Variants in DGKD observed in about 807,000 individuals in gnomAD.
DGKD encodes the protein diacylglycerol kinase delta, also known as DAG kinase delta.
DGKD carries 68 observed loss-of-function variants against 154.4 expected under a neutral mutation model. That is an observed-to-expected ratio of 0.44 (90% CI 0.36 to 0.54). The LOEUF is 0.54. DGKD is among the 20% of genes least tolerant of loss of function. DGKD has a pLI of 0.00. For missense variants in DGKD, 1,343 were observed against 1,593.6 expected (o/e 0.84, Z 2.68); for synonymous variants, 693 against 638.0 (o/e 1.09, Z -1.30).
At chr2:233,461,103 G>C (rs1403433672) in intron 24 of DGKD, among the ~76,000 whole-genome samples, 1 of 151,666 alleles carries the variant, frequency 6.6e-6, no homozygotes, top group Non-Finnish European at 1.5e-5. Flanking sequence ...TGTGTCCCTC[G>C]TGGCTGGTGG....
At position 233,457,742 on chromosome 2, in the gene DGKD, A is replaced by G. The variant is rs2124916446; in HGVS notation, c.2580+414A>G. ...ACAGGGCAGGCACATGGAGGATGGG[A>G]GAGAGGTGCCCCGACTGCAGTGGGC... On this transcript the variant is annotated intron_variant, in intron 21 of 29. Transcript: ENST00000264057. The surrounding 1 kb of genome is among the most constrained non-coding windows in gnomAD (Gnocchi z 5.5). 2.7e-6 allele frequency: 1 copy of G among 375,618 alleles called. No individual in the cohort carries two copies. Among genetic ancestry groups the G allele is most frequent in the East Asian group, 7.2e-5 (1 of 13,978 alleles). 23.3% of individuals were successfully genotyped at this position (375,618 alleles called of 1,614,324 possible).
chr2:233,449,952 T>G lies in DGKD; in HGVS notation c.1889-30T>G. On this transcript the variant is annotated intron_variant, in intron 15 of 29. Coordinates refer to ENST00000264057, the MANE Select transcript of DGKD (RefSeq NM_152879.3). This position sits in a 1 kb window ranked among gnomAD's most constrained non-coding sequence, Gnocchi z 5.3. ...CAGCGCCCTTGGCTTTGCACCCGCG[T>G]GCTCAGCCGCACACACTCTCCTTGC... The G allele has an allele frequency of 6.4e-7, 1 of 1,550,434 alleles. No homozygotes were observed. Among genetic ancestry groups the G allele is most frequent in the Non-Finnish European group, 8.7e-7 (1 of 1,145,394 alleles).
At chr2:233,364,961 G>T (rs1701952974) in intron 1 of DGKD, among the ~76,000 whole-genome samples, 1 of 152,144 alleles carries the variant, frequency 6.6e-6, no homozygotes, top group Non-Finnish European at 1.5e-5. Context: ...AAGAAACTTG[G>T]TGTAGCTATT....
chr2:233,392,874 C>G lies in DGKD; in HGVS notation c.348+2391C>G, dbSNP rs537410119. Among the ~76,000 whole-genome samples the G allele has an allele frequency of 9.8e-5, 15 of 152,310 alleles. No individual in the cohort carries two copies. The South Asian group carries it at 2.7e-3, about 27-fold the overall frequency. On this transcript the variant is annotated intron_variant, in intron 3 of 29. Transcript: ENST00000264057. ...TGTTGTGTAGTTTAAACACCTGTGT[C>G]TCTGGTTGAATCTCCTTTGCATTTC...
chr2:233,420,770 G>A (rs2062088048), intron 3 of DGKD, among the ~76,000 whole-genome samples: 1 of 152,220 alleles, frequency 6.6e-6, no homozygotes, highest in Non-Finnish European at 1.5e-5. Flanking sequence ...CCTGACAGGC[G>A]CGGCCTGAGT....
chr2:233,363,939 T>G (rs1701905634), intron 1 of DGKD, among the ~76,000 whole-genome samples: 2 of 152,184 alleles, frequency 1.3e-5, no homozygotes, highest in African/African-American at 4.8e-5. Flanking sequence ...CATAACACAT[T>G]TCTCAGAATA....
chr2:233,385,809 A>C (rs1195579907), intron 1 of DGKD: 1 of 375,888 alleles, frequency 2.7e-6, no homozygotes, highest in Admixed American at 3.4e-5. Flanking sequence ...GCAGCGAATC[A>C]GGAGAAGAAA....
intron 3 of DGKD, among the ~76,000 whole-genome samples, chr2:233,403,867 C>G (rs745886507): frequency 2.0e-5 from 3 of 152,106 alleles, no homozygotes; most frequent in Non-Finnish European, 4.4e-5. Context: ...GTCTCGAACT[C>G]CTGACCTCGT....
chr2:233,389,701 C>T (rs1703456735), intron 2 of DGKD, among the ~76,000 whole-genome samples: 1 of 152,056 alleles, frequency 6.6e-6, no homozygotes, highest in Non-Finnish European at 1.5e-5. Context: ...CAGGGTTCCT[C>T]ATAGAGCCAT....
chr2:233,372,374 T>A (rs1702365200), intron 1 of DGKD, among the ~76,000 whole-genome samples: 1 of 152,210 alleles, frequency 6.6e-6, no homozygotes, highest in African/African-American at 2.4e-5. Flanking sequence ...CTTTTTATAG[T>A]TTGGTAAACT....
intron 27 of DGKD, among the ~76,000 whole-genome samples, chr2:233,466,547 G>A (rs1383069249): frequency 6.6e-6 from 1 of 152,148 alleles, no homozygotes; most frequent in Non-Finnish European, 1.5e-5. Context: ...AGGGAGTGCT[G>A]TGTGGAGAGG....
chr2:233,441,742 T>G lies in DGKD; in HGVS notation c.1086-145T>G. ...GGACCCTGAGTGGAGGCGGCTGGTG[T>G]CACGTGGCAGGGCCTGTGCGTGCTC... On this transcript the variant is annotated intron_variant, in intron 9 of 29. Transcript: ENST00000264057. The surrounding 1 kb of genome is among the most constrained non-coding windows in gnomAD (Gnocchi z 5.6). 1 of 677,740 alleles carries G rather than the reference T, an allele frequency of 1.5e-6. No individual in the cohort carries two copies. The highest frequency in any genetic ancestry group is 2.5e-6 in the Non-Finnish European group (1 of 397,058). The allele number at this position is 677,740 out of a possible 1,614,324, so 42.0% of individuals were successfully genotyped here. A position where few individuals can be genotyped will look rare whatever the true frequency, so the allele number is the denominator to read the frequency against.
chr2:233,464,095 C>T, intron 26 of DGKD, 69 bp from the exon 27 acceptor site: 2 of 1,600,732 alleles, frequency 1.2e-6, no homozygotes, highest in Non-Finnish European at 8.5e-7. Context: ...GGACCTCACC[C>T]CCCTGGGCCT....
intron 1 of DGKD, chr2:233,386,159 C>G (rs979457096): frequency 2.7e-5 from 7 of 263,990 alleles, no homozygotes; most frequent in African/African-American, 1.6e-4. Flanking sequence ...TTGGTTTTGT[C>G]TTTTTTTTTT....
intron 11 of DGKD, among the ~76,000 whole-genome samples, chr2:233,446,065 G>T (rs563049591): frequency 1.1e-4 from 17 of 152,054 alleles, no homozygotes; most frequent in Non-Finnish European, 2.2e-4. Context: ...TTCAGCCCGA[G>T]ATCTAATACC....
intron 3 of DGKD, among the ~76,000 whole-genome samples, chr2:233,391,540 T>C (rs906580975): frequency 2.0e-5 from 3 of 152,252 alleles, no homozygotes; most frequent in African/African-American, 7.2e-5. Context: ...GGGCTGACTT[T>C]AGCGCCTGCC....
At position 233,451,149 on chromosome 2, in the gene DGKD, A is replaced by G. The variant is rs1037636833; in HGVS notation, c.2167+99A>G. On this transcript the variant is annotated intron_variant, in intron 17 of 29. Transcript: ENST00000264057. ...GGCTCGCTGCCCTCGGAGAGTTTAC[A>G]GGCCCCTGAGAAAGATAGGTGGAAT... 8 of 1,236,816 alleles carry G rather than the reference A, an allele frequency of 6.5e-6. No individual in the cohort carries two copies. The Admixed American group carries it at 1.5e-4, about 23-fold the overall frequency. 76.6% of individuals were successfully genotyped at this position (1,236,816 alleles called of 1,614,324 possible).
rs147134923 is a variant in DGKD at position 233,460,289 on chromosome 2, G to A, written c.2925G>A (p.Glu975=). The A allele has an allele frequency of 8.4e-3, 13,578 of 1,614,018 alleles. 77 individuals are homozygous for A. The highest frequency in any genetic ancestry group is 0.01 in the Non-Finnish European group (12,170 of 1,179,994). Residue 975 remains glutamate, a synonymous_variant, in exon 24 of 30, where the codon GAG becomes GAA. Coordinates refer to ENST00000264057, the MANE Select transcript of DGKD (RefSeq NM_152879.3). ...SCSLHPEMLS[E]EEATQMDQFG... ...CCCTGCACCCGGAGATGCTGTCCGA[G>A]GAGGAGGCCACCCAGATGGACCAGT...
At chr2:233,461,202 C>T (rs1284532461) in intron 24 of DGKD, among the ~76,000 whole-genome samples, 1 of 152,230 alleles carries the variant, frequency 6.6e-6, no homozygotes, top group Non-Finnish European at 1.5e-5. Flanking sequence ...GCTGCTCCGC[C>T]GGTGCGGGGC....
Sources: allele counts gnomAD v4.1 joint callset (sites outside exome capture counted in the v4.1 genomes callset), GRCh38; gene constraint gnomAD v4.1.1; non-coding constraint Gnocchi (gnomAD v3.1); transcripts MANE v1.5; gene names NCBI Gene and HGNC (gene_info 2026-07-23, HGNC 2026-07-21).